ULK4: variants seen among roughly 807,000 people sequenced by gnomAD.
ULK4 encodes unc-51 like kinase 4, also known as inactive serine/threonine-protein kinase ULK4.
In ULK4, 133 loss-of-function variants were observed where a neutral mutation model predicts 160.6. That is an observed-to-expected ratio of 0.83 (90% CI 0.72 to 0.96). The LOEUF (loss-of-function observed/expected upper bound fraction) is 0.96, where lower values mean the gene tolerates loss of function less well. Ranked by LOEUF, ULK4 falls within the 40% of genes least tolerant of loss-of-function variation. The pLI is 0.00. For missense variants in ULK4, 1,580 were observed against 1,499.5 expected, an observed-to-expected ratio of 1.05 and a Z score of -0.89; for synonymous variants, 534 against 539.8, an observed-to-expected ratio of 0.99 and a Z score of 0.15.
chr3:41,597,442 TC>T, intron 31 of ULK4, among the ~76,000 whole-genome samples: 2 of 152,298 alleles, frequency 1.3e-5, no homozygotes, highest in Non-Finnish European at 2.9e-5. Flanking sequence ...GAAAGTTTGC[TC>T]TGTAACATAA....
chr3:41,316,001 A>G (rs1183037642), intron 35 of ULK4, among the ~76,000 whole-genome samples: 1 of 152,334 alleles, frequency 6.6e-6, no homozygotes, highest in African/African-American at 2.4e-5. Flanking sequence ...AAATGATTAA[A>G]TATAGTTACC....
intron 34 of ULK4, among the ~76,000 whole-genome samples, chr3:41,453,893 T>A (rs1368272857): frequency 2.0e-5 from 3 of 151,708 alleles, no homozygotes. Context: ...TGGATGAAGC[T>A]GGAAACCATC....
intron 15 of ULK4, 96 bp downstream of exon 15, chr3:41,896,726 T>C: frequency 7.3e-7 from 1 of 1,372,726 alleles, no homozygotes; most frequent in Non-Finnish European, 9.7e-7. Context: ...AAATCAGTTT[T>C]TTTGTGGTAG....
chr3:41,351,235 C>A lies in ULK4; in HGVS notation c.3678+46844G>T, dbSNP rs138619996. Among the ~76,000 whole-genome samples, 3 of 152,290 alleles carry A rather than the reference C, an allele frequency of 2.0e-5. No individual in the cohort carries two copies. The East Asian group carries it at 5.8e-4, about 30-fold the overall frequency. The stretch of plus-strand genomic sequence containing the variant: ...AAGCTGGTGATTCAAGGCCTTGGTT[C>A]TCCTCAAAGGTAACTCACCACAGAG... On this transcript the variant is annotated intron_variant, in intron 35 of 36. Coordinates refer to ENST00000301831, the MANE Select transcript of ULK4 (RefSeq NM_017886.4).
intron 34 of ULK4, among the ~76,000 whole-genome samples, chr3:41,430,157 A>G (rs2082871572): frequency 2.0e-5 from 3 of 152,362 alleles, no homozygotes; most frequent in Admixed American, 1.3e-4. Context: ...CTTTCTAATA[A>G]AACTGCAAGG....
chr3:41,657,553 T>TGATA (rs1335705658), intron 30 of ULK4, among the ~76,000 whole-genome samples: 1 of 152,028 alleles, frequency 6.6e-6, no homozygotes, highest in Non-Finnish European at 1.5e-5. Context: ...TCAAAACCAC[T>TGATA]GATACCCTGT....
chr3:41,929,433 A>G (rs1716988), intron 5 of ULK4, among the ~76,000 whole-genome samples: 25,573 of 152,244 alleles, frequency 0.17, 2,826 homozygotes, highest in East Asian at 0.26. Context: ...ATCCGGCACA[A>G]GACAAGGATA....
At chr3:41,788,264 A>G (rs2040052125) in intron 21 of ULK4, among the ~76,000 whole-genome samples, 1 of 152,340 alleles carries the variant, frequency 6.6e-6, no homozygotes, top group East Asian at 1.9e-4. Flanking sequence ...TTTCATTATA[A>G]AAACCAAAAT....
intron 2 of ULK4, among the ~76,000 whole-genome samples, chr3:41,952,367 C>T (rs770262648): frequency 1.3e-5 from 2 of 152,020 alleles, no homozygotes; most frequent in Non-Finnish European, 2.9e-5. Context: ...AAACAACCAA[C>T]CAGATTAGAG....
chr3:41,611,539 G>A (rs1161514510), intron 31 of ULK4, among the ~76,000 whole-genome samples: 1 of 152,102 alleles, frequency 6.6e-6, no homozygotes, highest in Non-Finnish European at 1.5e-5. Context: ...CAGTCCCTTT[G>A]ACTGATCTCA....
At chr3:41,562,757 T>G (rs2087637504) in intron 32 of ULK4, among the ~76,000 whole-genome samples, 1 of 152,186 alleles carries the variant, frequency 6.6e-6, no homozygotes. Flanking sequence ...TGTGTGTCTC[T>G]GCATGTGAGA....
intron 21 of ULK4, among the ~76,000 whole-genome samples, chr3:41,786,097 C>T (rs1462138024): frequency 2.6e-5 from 4 of 152,164 alleles, no homozygotes; most frequent in Non-Finnish European, 5.9e-5. Context: ...CTGCACACTG[C>T]CCCTAACAGT....
chr3:41,637,321 A>T (rs1455024177), intron 30 of ULK4, among the ~76,000 whole-genome samples: 1 of 152,144 alleles, frequency 6.6e-6, no homozygotes, highest in African/African-American at 2.4e-5. Context: ...CATTTATTTG[A>T]CTTAATATAA....
At chr3:41,726,717 G>A (rs2037663388) in intron 22 of ULK4, among the ~76,000 whole-genome samples, 1 of 152,182 alleles carries the variant, frequency 6.6e-6, no homozygotes, top group Admixed American at 6.5e-5. Context: ...CTGGGTTCAA[G>A]TGATTCTCCT....
rs747686092 is a variant in ULK4, at chr3:41,745,017, A to G, written c.2321+9344T>C. Among the ~76,000 whole-genome samples the G allele has an allele frequency of 6.6e-5, 10 of 151,856 alleles. 1 individual carries two copies. In the Middle Eastern group the frequency reaches 0.014, roughly 207 times the overall value. On this transcript the variant is annotated intron_variant, in intron 22 of 36. Coordinates refer to ENST00000301831, the MANE Select transcript of ULK4 (RefSeq NM_017886.4). The stretch of plus-strand genomic sequence containing the variant: ...ATTAAAAAGATACATTAAACTACAT[A>G]ATGTTTTTTTAAAAAATCCAAATCT...
At position 41,246,990 on chromosome 3, in the gene ULK4, G is replaced by A. The variant is rs2078655740; in HGVS notation, c.3767C>T (p.Ser1256Leu). The A allele has an allele frequency of 1.2e-6, 2 of 1,613,602 alleles. No homozygotes were observed. The highest frequency in any genetic ancestry group is 2.2e-5 in the South Asian group (2 of 90,892). ...ALERLAPGSG[S>L]FADSAVAPLA... ...GGGAGCCACCGCACTGTCGGCAAAT[G>A]AACTGTAAGAAAAACCAAAGTAGGT... The change falls in exon 37 of 37, where the codon TCA (serine) becomes TTA (leucine). Residue 1256 changes from serine to leucine, a missense_variant and splice_region_variant. Transcript: ENST00000301831.
intron 17 of ULK4, among the ~76,000 whole-genome samples, chr3:41,844,462 C>G (rs2042014558): frequency 6.6e-6 from 1 of 152,210 alleles, no homozygotes; most frequent in South Asian, 2.1e-4. Context: ...GGCCTGAGTG[C>G]AGGGCGCGCC....
chr3:41,337,893 T>C (rs1171589480), intron 35 of ULK4, among the ~76,000 whole-genome samples: 1 of 152,150 alleles, frequency 6.6e-6, no homozygotes, highest in Non-Finnish European at 1.5e-5. Flanking sequence ...GGGGATAGGC[T>C]GGTAAAGATG....
chr3:41,923,165 T>C (rs1575956562), intron 5 of ULK4, among the ~76,000 whole-genome samples: 1 of 150,780 alleles, frequency 6.6e-6, no homozygotes, highest in South Asian at 2.1e-4. Flanking sequence ...CAAGACTCTG[T>C]CTCAAAAAAA....
Sources: gnomAD v4.1 joint callset for allele counts (sites outside exome capture counted in the v4.1 genomes callset) on GRCh38, gnomAD v4.1.1 for gene constraint, MANE v1.5 for transcripts, NCBI Gene and HGNC (gene_info 2026-07-23, HGNC 2026-07-21) for gene names.